SNTG2: variants seen among roughly 807,000 people sequenced by gnomAD.
SNTG2 encodes the protein syntrophin gamma 2, also known as gamma-2-syntrophin.
SNTG2 carries 74 observed loss-of-function variants against 70.9 expected under a neutral mutation model. That is an observed-to-expected ratio of 1.04 (90% confidence interval 0.86 to 1.27). SNTG2 has a LOEUF of 1.27. SNTG2 is among the 50% of genes most tolerant of loss of function. The pLI, the probability that SNTG2 is intolerant of heterozygous loss-of-function variation, is 0.00. For synonymous variants in SNTG2, 278 were observed against 273.8 expected (o/e 1.02, Z -0.15); for missense variants, 717 against 690.7 (o/e 1.04, Z -0.43).
chr2:1,110,436 C>G (rs76867098), intron 4 of SNTG2, among the ~76,000 whole-genome samples: 2 of 152,206 alleles, frequency 1.3e-5, no homozygotes, highest in Admixed American at 6.5e-5. Context: ...TTCACCTGTT[C>G]TGCTGAATTT....
intron 4 of SNTG2, among the ~76,000 whole-genome samples, chr2:1,131,259 CTG>C (rs1208357336): frequency 6.6e-6 from 1 of 152,076 alleles, no homozygotes; most frequent in Non-Finnish European, 1.5e-5. Context: ...TTCTTGGTGT[CTG>C]TGTTCGGCTA....
At chr2:1,151,386 G>C (rs2147807164) in intron 6 of SNTG2, among the ~76,000 whole-genome samples, 1 of 105,292 alleles carries the variant, frequency 9.5e-6, no homozygotes, top group East Asian at 2.7e-4. Flanking sequence ...GTGCTTTGTT[G>C]TTTGTTGCTT....
chr2:1,347,090 G>GA (rs35083762), intron 16 of SNTG2, among the ~76,000 whole-genome samples: 12 of 151,734 alleles, frequency 7.9e-5, no homozygotes, highest in Admixed American at 2.0e-4. Context: ...TGGGAAAGAG[G>GA]AAAAAAAAAG....
chr2:1,324,519 G>A (rs964560901), intron 16 of SNTG2, among the ~76,000 whole-genome samples: 1 of 152,112 alleles, frequency 6.6e-6, no homozygotes, highest in African/African-American at 2.4e-5. Flanking sequence ...ATTAAATTTA[G>A]GTTCTTCTTT....
chr2:1,252,813 A>G (rs964878861), intron 12 of SNTG2, among the ~76,000 whole-genome samples: 6 of 152,208 alleles, frequency 3.9e-5, no homozygotes, highest in Non-Finnish European at 7.3e-5. Context: ...AAGCATTTGA[A>G]TCTAACAGAC....
intron 8 of SNTG2, among the ~76,000 whole-genome samples, chr2:1,184,015 G>A (rs1006357910): frequency 6.6e-6 from 1 of 152,192 alleles, no homozygotes; most frequent in African/African-American, 2.4e-5. Flanking sequence ...TAGAATTTCA[G>A]CGAGTTGAAT....
intron 16 of SNTG2, among the ~76,000 whole-genome samples, chr2:1,339,549 A>C (rs1158289202): frequency 6.6e-6 from 1 of 152,162 alleles, no homozygotes; most frequent in South Asian, 2.1e-4. Flanking sequence ...AGCTGTTTTT[A>C]TATTTTTCCA....
intron 16 of SNTG2, among the ~76,000 whole-genome samples, chr2:1,335,668 G>C (rs1659782187): frequency 6.6e-6 from 1 of 152,028 alleles, no homozygotes; most frequent in Admixed American, 6.6e-5. Context: ...ACTAAATCTA[G>C]ACATGTACTT....
chr2:1,273,100 G>A (rs1334672173), intron 14 of SNTG2, among the ~76,000 whole-genome samples: 1 of 152,180 alleles, frequency 6.6e-6, no homozygotes, highest in Non-Finnish European at 1.5e-5. Flanking sequence ...GTCCTGACGA[G>A]CACGCCCCTG....
intron 1 of SNTG2, among the ~76,000 whole-genome samples, chr2:1,060,851 C>A (rs1662774206): frequency 6.6e-6 from 1 of 152,044 alleles, no homozygotes; most frequent in Admixed American, 6.5e-5. Context: ...GAAGTCAGAC[C>A]AGGAGCAGGA....
At chr2:1,091,479 G>T (rs1025084206) in intron 2 of SNTG2, among the ~76,000 whole-genome samples, 1 of 152,206 alleles carries the variant, frequency 6.6e-6, no homozygotes, top group Non-Finnish European at 1.5e-5. Flanking sequence ...AGACTCTGAT[G>T]CCAGGACGCA....
At chr2:1,059,173 A>G (rs1274987523) in intron 1 of SNTG2, 1 of 152,214 alleles carries the variant, frequency 6.6e-6, no homozygotes, top group African/African-American at 2.4e-5. Context: ...AGTTTCATTT[A>G]CGAGACTGAG....
intron 1 of SNTG2, among the ~76,000 whole-genome samples, chr2:1,007,046 A>T (rs935716745): frequency 6.6e-6 from 1 of 151,966 alleles, no homozygotes; most frequent in Non-Finnish European, 1.5e-5. Context: ...TAAATAAATA[A>T]ATAAATAAAT....
At chr2:1,174,477 T>C (rs971955847) in intron 8 of SNTG2, among the ~76,000 whole-genome samples, 2 of 152,202 alleles carry the variant, frequency 1.3e-5, no homozygotes, top group East Asian at 3.8e-4. Flanking sequence ...TTGTTTTATG[T>C]TTGTTTTTCT....
chr2:1,111,949 G>A (rs1424622541), intron 4 of SNTG2, among the ~76,000 whole-genome samples: 1 of 98,658 alleles, frequency 1.0e-5, no homozygotes, highest in Non-Finnish European at 2.3e-5. Context: ...TACTAAGTGA[G>A]GTTTAACCCT....
rs182165522 is a variant in SNTG2 at position 1,176,560 on chromosome 2, A to G, written c.591+3377A>G. 1.1e-4 allele frequency among the ~76,000 whole-genome samples: 17 copies of G among 152,314 alleles called. 1 individual carries two copies. The East Asian group carries it at 2.3e-3, about 21-fold the overall frequency. On this transcript the variant is annotated intron_variant, in intron 8 of 16. Coordinates refer to ENST00000308624, the MANE Select transcript of SNTG2 (RefSeq NM_018968.4). The stretch of plus-strand genomic sequence containing the variant: ...CAACTATCATCAGAGTGAACAGGCA[A>G]GTTACAAAGTGGGAGACAATTTTTG...
At chr2:1,214,413 A>G (rs1265301960) in intron 9 of SNTG2, among the ~76,000 whole-genome samples, 4 of 152,174 alleles carry the variant, frequency 2.6e-5, no homozygotes, top group Non-Finnish European at 4.4e-5. Flanking sequence ...TGTGTCATCT[A>G]TAATTTCCTT....
At chr2:965,252 A>ATCCTCCTCCTGGTCCCCAG (rs1660506868) in intron 1 of SNTG2, among the ~76,000 whole-genome samples, 1 of 116,704 alleles carries the variant, frequency 8.6e-6, no homozygotes, top group African/African-American at 3.3e-5. Flanking sequence ...TTGGACCCCA[A>ATCCTCCTCCTGGTCCCCAG]TCCTCCTCCT....
chr2:1,143,517 C>T (rs978753517), intron 6 of SNTG2, among the ~76,000 whole-genome samples: 13 of 151,820 alleles, frequency 8.6e-5, no homozygotes, highest in African/African-American at 2.2e-4. Context: ...TGGGGATAAA[C>T]GGGTTCTTAC....
Sources: gnomAD v4.1 joint callset for allele counts (sites outside exome capture counted in the v4.1 genomes callset) on GRCh38, gnomAD v4.1.1 for gene constraint, MANE v1.5 for transcripts, NCBI Gene and HGNC (gene_info 2026-07-23, HGNC 2026-07-21) for gene names.